PRKAR2B: variants seen among roughly 807,000 people sequenced by gnomAD.
PRKAR2B encodes cAMP-dependent protein kinase type II-beta regulatory subunit.
In PRKAR2B, 14 loss-of-function variants were observed where a neutral mutation model predicts 49.9. The observed-to-expected ratio is 0.28, with a 90% CI of 0.19 to 0.44. The LOEUF is 0.44. Ranked by LOEUF, PRKAR2B falls within the 20% of genes least tolerant of loss-of-function variation. PRKAR2B has a pLI of 1.00. For synonymous variants in PRKAR2B, 196 were observed against 197.7 expected (o/e 0.99, Z 0.07); for missense variants, 393 against 537.9 (o/e 0.73, Z 2.67).
intron 2 of PRKAR2B, among the ~76,000 whole-genome samples, chr7:107,109,340 G>C (rs1023036743): frequency 1.3e-5 from 2 of 151,932 alleles, no homozygotes; most frequent in Admixed American, 6.6e-5. Context: ...GCTCACTGCA[G>C]CCTTGACCTC....
intron 2 of PRKAR2B, among the ~76,000 whole-genome samples, chr7:107,075,782 C>G (rs1045809837): frequency 6.6e-6 from 1 of 152,142 alleles, no homozygotes; most frequent in African/African-American, 2.4e-5. Flanking sequence ...AAGCCATAAA[C>G]CCCTCAGCTT....
chr7:107,128,238 A>G lies in PRKAR2B; in HGVS notation c.423A>G (p.Gln141=), dbSNP rs1795532982. The change falls in exon 4 of 11, where the codon CAA becomes CAG. Residue 141 remains glutamine, a synonymous_variant. Transcript: ENST00000265717. ...TTATACATCCAAAAACTGATGATCA[A>G]AGAAATAGGTTGCAAGAGGCTTGCA... is the stretch of plus-strand genomic sequence containing the variant. ...SRIIHPKTDD[Q]RNRLQEACKD... 1 of 1,612,812 alleles carries G rather than the reference A, an allele frequency of 6.2e-7. No homozygotes were observed. The highest frequency in any genetic ancestry group is 2.2e-5 in the East Asian group (1 of 44,860).
intron 2 of PRKAR2B, among the ~76,000 whole-genome samples, chr7:107,112,803 A>G (rs2250121): frequency 0.12 from 18,293 of 152,082 alleles, 1,304 homozygotes; most frequent in African/African-American, 0.19. Context: ...TATATTTTGA[A>G]TCTTTGGATA....
intron 1 of PRKAR2B, among the ~76,000 whole-genome samples, chr7:107,061,067 T>C (rs981020219): frequency 6.6e-6 from 1 of 152,196 alleles, no homozygotes; most frequent in South Asian, 2.1e-4. Flanking sequence ...TACATGTGAA[T>C]GTACTTCAAG....
At chr7:107,081,078 C>G (rs1794505971) in intron 2 of PRKAR2B, among the ~76,000 whole-genome samples, 1 of 152,124 alleles carries the variant, frequency 6.6e-6, no homozygotes, top group African/African-American at 2.4e-5. Context: ...CTGATAAAAA[C>G]ACCATAATTT....
intron 2 of PRKAR2B, among the ~76,000 whole-genome samples, chr7:107,098,234 G>C (rs112005417): frequency 6.6e-6 from 1 of 151,974 alleles, no homozygotes; most frequent in East Asian, 1.9e-4. Context: ...CTCTAAACTT[G>C]TCTTCTCGCT....
intron 2 of PRKAR2B, among the ~76,000 whole-genome samples, chr7:107,095,473 T>A (rs1794819486): frequency 1.3e-5 from 2 of 152,328 alleles, no homozygotes; most frequent in Admixed American, 1.3e-4. Flanking sequence ...CTTCCTCTTT[T>A]CCTAATTGAA....
rs56855022 is a variant in PRKAR2B, at chr7:107,053,525, A to AGTGTGTGT, written c.307+8348_307+8355dup. ...TGATTCAAGCTTCTAGATTATAAAG[A>AGTGTGTGT]GTGTGTGTGTGTGTGTGTGTGTGTG... On this transcript the variant is annotated intron_variant, in intron 1 of 10. Coordinates refer to ENST00000265717, the MANE Select transcript of PRKAR2B (RefSeq NM_002736.3). Among the ~76,000 whole-genome samples the AGTGTGTGT allele has an allele frequency of 3.0e-3, 429 of 141,986 alleles. 5 individuals carry two copies. The highest frequency in any genetic ancestry group is 7.6e-3 in the African/African-American group (291 of 38,398). The allele number at this position is 141,986 out of a possible 152,430, so 93.1% of individuals were successfully genotyped here.
chr7:107,141,043 G>T, intron 5 of PRKAR2B, 90 bp downstream of exon 5: 1 of 905,980 alleles, frequency 1.1e-6, no homozygotes. Context: ...GGTTAATATA[G>T]GATAGTTGTT....
At chr7:107,128,003 C>T (rs768098172) in intron 3 of PRKAR2B, among the ~76,000 whole-genome samples, 17 of 152,184 alleles carry the variant, frequency 1.1e-4, no homozygotes, top group Non-Finnish European at 2.1e-4. Context: ...ACCAACCTCC[C>T]CCGAACAAGG....
chr7:107,110,361 C>T (rs1270600109), intron 2 of PRKAR2B, among the ~76,000 whole-genome samples: 1 of 152,012 alleles, frequency 6.6e-6, no homozygotes, highest in Non-Finnish European at 1.5e-5. Flanking sequence ...AACTCCTAGG[C>T]AAATCCTAGT....
chr7:107,145,864 C>T (rs1213764338), intron 5 of PRKAR2B, among the ~76,000 whole-genome samples: 3 of 151,422 alleles, frequency 2.0e-5, no homozygotes, highest in Admixed American at 6.6e-5. Context: ...CTCAGCCTCC[C>T]GAGTAGCTGA....
chr7:107,158,200 T>C (rs257374), intron 10 of PRKAR2B, among the ~76,000 whole-genome samples: 1 of 142,912 alleles, frequency 7.0e-6, no homozygotes, highest in African/African-American at 2.6e-5. Context: ...CTATTAGAAA[T>C]AGTAAAGGTG....
intron 2 of PRKAR2B, among the ~76,000 whole-genome samples, chr7:107,090,778 G>A (rs1167507697): frequency 2.0e-5 from 3 of 152,178 alleles, no homozygotes; most frequent in Non-Finnish European, 4.4e-5. Flanking sequence ...CCGTTTGGAT[G>A]TGTCTTTTTC....
At chr7:107,099,318 G>A (rs147104688) in intron 2 of PRKAR2B, among the ~76,000 whole-genome samples, 1 of 152,212 alleles carries the variant, frequency 6.6e-6, no homozygotes, top group Non-Finnish European at 1.5e-5. Flanking sequence ...CTCCTAACCA[G>A]GCGCGGGATA....
chr7:107,073,022 G>A (rs1794312142), intron 2 of PRKAR2B, among the ~76,000 whole-genome samples: 1 of 152,120 alleles, frequency 6.6e-6, no homozygotes, highest in South Asian at 2.1e-4. Context: ...TACAAAATGT[G>A]TAGTGCTATG....
rs1794971185 is a variant in PRKAR2B at position 107,101,792 on chromosome 7, T to A, written c.344-20160T>A. On this transcript the variant is annotated intron_variant, in intron 2 of 10. Coordinates refer to ENST00000265717, the MANE Select transcript of PRKAR2B (RefSeq NM_002736.3). ...GCAGGAATGCCATGGGCTACCACTG[T>A]CCTAACTCAAAATCAGTAGCTATTT... 3.3e-5 allele frequency among the ~76,000 whole-genome samples: 5 copies of A among 152,122 alleles called. No individual in the cohort carries two copies. The South Asian group carries it at 1.0e-3, about 32-fold the overall frequency.
rs557222530 is a variant in PRKAR2B, at chr7:107,126,121, C to T, written c.397-2091C>T. On this transcript the variant is annotated intron_variant, in intron 3 of 10. Transcript: ENST00000265717. ...AAAAAAAAAAAAAAGAGGCCAGGCG[C>T]GCTGGCTCACGCCTGTAATCCCAGT... Among the ~76,000 whole-genome samples the T allele has an allele frequency of 1.4e-3, 204 of 146,342 alleles. 1 individual carries two copies. The highest frequency in any genetic ancestry group is 4.4e-3 in the African/African-American group (173 of 39,570).
chr7:107,082,936 G>C (rs1022419340), intron 2 of PRKAR2B, among the ~76,000 whole-genome samples: 7 of 152,100 alleles, frequency 4.6e-5, no homozygotes, highest in Non-Finnish European at 8.8e-5. Flanking sequence ...GTGTTAGACT[G>C]TATAGTTGGT....
Sources: gnomAD v4.1 joint callset for allele counts (sites outside exome capture counted in the v4.1 genomes callset) on GRCh38, gnomAD v4.1.1 for gene constraint, MANE v1.5 for transcripts, NCBI Gene and HGNC (gene_info 2026-07-23, HGNC 2026-07-21) for gene names.